MAST2: variants seen among roughly 807,000 people sequenced by gnomAD.
MAST2 encodes microtubule associated serine/threonine kinase 2, also known as microtubule-associated serine/threonine-protein kinase 2.
In MAST2, 70 loss-of-function variants were observed where a neutral mutation model predicts 147.4. The ratio of observed to expected loss-of-function variants is 0.47; its 90% CI spans 0.39 to 0.58. MAST2 has a LOEUF of 0.58. MAST2 is among the 20% of genes least tolerant of loss of function. The pLI, the probability that MAST2 is intolerant of heterozygous loss-of-function variation, is 0.00. For synonymous variants in MAST2, 869 were observed against 896.8 expected (o/e 0.97, Z 0.55); for missense variants, 2,080 against 2,302.3 (o/e 0.90, Z 1.98).
chr1:46,029,557 A>G lies in MAST2; in HGVS notation c.2310A>G (p.Arg770=). Residue 770 remains arginine (R), a synonymous_variant, in exon 19 of 29, where the codon AGA becomes AGG. Coordinates refer to ENST00000361297, the MANE Select transcript of MAST2 (RefSeq NM_015112.3). ...TGCTCCACCAGAACCCTCTGGAGAG[A>G]CTTGGCACAGGTAGGGCAGGCCCTG... The part of the protein sequence containing the change: ...SKLLHQNPLE[R]LGTGSAYEVK... 1.2e-6 allele frequency: 2 copies of G among 1,613,788 alleles called. No individual in the cohort carries two copies. The highest frequency in any genetic ancestry group is 1.7e-6 in the Non-Finnish European group (2 of 1,179,862).
At position 46,034,528 on chromosome 1, in the gene MAST2, C is replaced by G. The variant is rs1646818690; in HGVS notation, c.3869-10C>G. ...CTTTTGTCTGTCTGTCTGTCTGTCT[C>G]TGTACAAAGTGGGAGGGAATTCATC... On this transcript the variant is annotated splice_polypyrimidine_tract_variant and intron_variant, in intron 28 of 28. Transcript: ENST00000361297. 6.2e-7 allele frequency: 1 copy of G among 1,610,010 alleles called. No individual in the cohort carries two copies. The highest frequency in any genetic ancestry group is 8.5e-7 in the Non-Finnish European group (1 of 1,177,694).
At chr1:45,885,033 A>G (rs1210794690) in intron 4 of MAST2, among the ~76,000 whole-genome samples, 1 of 152,206 alleles carries the variant, frequency 6.6e-6, no homozygotes, top group Non-Finnish European at 1.5e-5. Context: ...AGAACCACAA[A>G]ACAAATATTT....
chr1:46,035,086 G>C lies in MAST2; in HGVS notation c.4417G>C (p.Ala1473Pro). 1 of 1,613,656 alleles carries C rather than the reference G, an allele frequency of 6.2e-7. No homozygotes were observed. Among genetic ancestry groups the C allele is most frequent in the Non-Finnish European group, 8.5e-7 (1 of 1,179,928 alleles). ...ALPGKGVLQP[A>P]PSRALGTLRQ... is the part of the protein sequence containing the mutation. The stretch of plus-strand genomic sequence containing the variant: ...GCCAGGGAAGGGGGTGCTGCAGCCT[G>C]CTCCCTCACGGGCCCTAGGCACCCT... The change falls in exon 29 of 29, where the codon GCT becomes CCT. Residue 1473 changes from alanine to proline, a missense_variant. This residue lies in a region of MAST2 where 1,278 missense variants were observed against 1,304.2 expected (regional missense o/e 0.98). Transcript: ENST00000361297. The surrounding 1 kb of genome is among the most constrained non-coding windows in gnomAD (Gnocchi z 5.5).
chr1:45,986,616 C>G (rs970784155), intron 5 of MAST2, among the ~76,000 whole-genome samples: 14 of 149,882 alleles, frequency 9.3e-5, no homozygotes, highest in Non-Finnish European at 1.6e-4. Context: ...TACTCAGAGG[C>G]TGAGGCAGGA....
At position 46,023,370 on chromosome 1, in the gene MAST2, A is replaced by T. The variant is rs376488052; in HGVS notation, c.1571+52A>T. 6 of 1,520,898 alleles carry T rather than the reference A, an allele frequency of 3.9e-6. No homozygotes were observed. The African/African-American group carries it at 6.9e-5, about 17-fold the overall frequency. 94.2% of individuals were successfully genotyped at this position (1,520,898 alleles called of 1,614,324 possible). A position where few individuals can be genotyped will look rare whatever the true frequency, so the allele number is the denominator to read the frequency against. ...AGGACTGAAGCCGGGTCAGCCTTTG[A>T]TCTCTTCCATGTGAGAGTGTATGCT... On this transcript the variant is annotated intron_variant, in intron 14 of 28. Transcript: ENST00000361297. This position sits in a 1 kb window ranked among gnomAD's most constrained non-coding sequence, Gnocchi z 4.9.
intron 4 of MAST2, among the ~76,000 whole-genome samples, chr1:45,914,661 T>C (rs2148597868): frequency 6.6e-6 from 1 of 152,320 alleles, no homozygotes; most frequent in East Asian, 1.9e-4. Flanking sequence ...TTCAGTGGGC[T>C]TCCTTTGTGA....
chr1:45,939,544 G>T (rs1220872030), intron 4 of MAST2, among the ~76,000 whole-genome samples: 1 of 150,742 alleles, frequency 6.6e-6, no homozygotes, highest in African/African-American at 2.4e-5. Flanking sequence ...TTTTTTTTTG[G>T]GGGGGTGGGG....
rs889670637 is a variant in MAST2, at chr1:45,803,934, G to A, written c.39G>A (p.Pro13=). The change falls in exon 1 of 29, where the codon CCG becomes CCA. Residue 13 remains proline (P), a synonymous_variant. Coordinates refer to ENST00000361297, the MANE Select transcript of MAST2 (RefSeq NM_015112.3). ...GCTGCCGCGACCGACCGCAGCCGCC[G>A]CCGCCCGACCGCCGGGAGGATGGAG... ...RSRCRDRPQP[P]PPDRREDGVQ... is the part of the protein sequence containing the mutation. 3.5e-6 allele frequency: 3 copies of A among 858,904 alleles called. No homozygotes were observed. Among genetic ancestry groups the A allele is most frequent in the Non-Finnish European group, 1.6e-6 (1 of 620,822 alleles). The allele number at this position is 858,904 out of a possible 1,614,324, so 53.2% of individuals were successfully genotyped here.
At chr1:45,882,557 C>G (rs11211217) in intron 4 of MAST2, among the ~76,000 whole-genome samples, 162 bp downstream of exon 4, 51,735 of 152,102 alleles carry the variant, frequency 0.34, 9,213 homozygotes, top group African/African-American at 0.44. Context: ...TGACTTCTCC[C>G]ACTAGGTCAG....
chr1:46,000,145 C>T (rs1373556516), intron 6 of MAST2, among the ~76,000 whole-genome samples: 1 of 152,158 alleles, frequency 6.6e-6, no homozygotes, highest in Non-Finnish European at 1.5e-5. Context: ...GAAACACCAT[C>T]TCTACTAAAA....
intron 3 of MAST2, among the ~76,000 whole-genome samples, chr1:45,870,994 GA>G (rs1383182984): frequency 6.7e-6 from 1 of 150,044 alleles, no homozygotes; most frequent in Admixed American, 6.7e-5. Context: ...AGTTTTTCCA[GA>G]AACCAACTAT....
rs745947608 is a variant in MAST2, at chr1:46,028,820, A to T, written c.2105A>T (p.Tyr702Phe). 8.7e-6 allele frequency: 14 copies of T among 1,614,012 alleles called. No individual in the cohort carries two copies. The Admixed American group carries it at 2.2e-4, about 25-fold the overall frequency. The change falls in exon 18 of 29, where the codon TAT becomes TTT. Residue 702 changes from tyrosine to phenylalanine, a missense_variant. This residue lies in a region of MAST2 where 209 missense variants were observed against 309.5 expected (regional missense o/e 0.68). Coordinates refer to ENST00000361297, the MANE Select transcript of MAST2 (RefSeq NM_015112.3). Reference protein sequence around the residue: ...IAPEVILRQGYGKPVDWWAMG... With the variant: ...IAPEVILRQGFGKPVDWWAMG... ...CCTGAGGTGATCCTGCGCCAGGGCTATGGGAAGCCAGTGGACTGGTGGGCC... is the reference window on the plus strand; with the variant it reads ...CCTGAGGTGATCCTGCGCCAGGGCTTTGGGAAGCCAGTGGACTGGTGGGCC...
chr1:46,031,332 A>ACTGCAGGGCAGGGAGGCTC lies in MAST2; in HGVS notation c.2992+43_2993-40dup, dbSNP rs1646656599. ...GGCCAAACGACCTAAGCTGGAGGAT[A>ACTGCAGGGCAGGGAGGCTC]CTGCAGGGCAGGGAGGCTCAGCGGC... On this transcript the variant is annotated intron_variant, in intron 23 of 28. Transcript: ENST00000361297. This position sits in a 1 kb window ranked among gnomAD's most constrained non-coding sequence, Gnocchi z 4.1. 1 of 1,563,466 alleles carries ACTGCAGGGCAGGGAGGCTC rather than the reference A, an allele frequency of 6.4e-7. No homozygotes were observed. The highest frequency in any genetic ancestry group is 8.7e-7 in the Non-Finnish European group (1 of 1,150,678).
At chr1:46,030,348 C>T (rs950724470) in intron 21 of MAST2, 110 bp downstream of exon 21, 27 of 1,106,796 alleles carry the variant, frequency 2.4e-5, no homozygotes, top group Non-Finnish European at 3.2e-5. Flanking sequence ...TTGGGGCCAC[C>T]TCTAGAAAAA....
At chr1:46,022,630 G>C (rs1209264941) in intron 12 of MAST2, among the ~76,000 whole-genome samples, 1 of 152,164 alleles carries the variant, frequency 6.6e-6, no homozygotes, top group Non-Finnish European at 1.5e-5. Flanking sequence ...CCCAGTTTCA[G>C]GCCCTGTTTT....
At chr1:45,940,193 G>A (rs942538454) in intron 4 of MAST2, among the ~76,000 whole-genome samples, 15 of 150,626 alleles carry the variant, frequency 1.0e-4, no homozygotes, top group African/African-American at 3.7e-4. Flanking sequence ...GGGTTTTGCC[G>A]TGTTGGCCAG....
intron 3 of MAST2, among the ~76,000 whole-genome samples, chr1:45,871,991 A>T (rs938596317): frequency 1.3e-5 from 2 of 152,152 alleles, no homozygotes; most frequent in Non-Finnish European, 2.9e-5. Flanking sequence ...GGCCTCCCAA[A>T]GTGTTGGGAT....
intron 18 of MAST2, 141 bp downstream of exon 18, chr1:46,029,074 G>A (rs941845209): frequency 5.3e-6 from 5 of 944,204 alleles, no homozygotes; most frequent in Admixed American, 2.7e-5. Context: ...TTGGGGATGG[G>A]TGTCTCTGTG....
chr1:45,918,433 A>C (rs1315239650), intron 4 of MAST2, among the ~76,000 whole-genome samples: 3 of 152,174 alleles, frequency 2.0e-5, no homozygotes, highest in African/African-American at 7.2e-5. Flanking sequence ...GGGCAGCCAG[A>C]TTAAACAATT....
Sources: gnomAD v4.1 joint callset for allele counts (sites outside exome capture counted in the v4.1 genomes callset) on GRCh38, gnomAD v4.1.1 for gene constraint, gnomAD v4.1.1 regional missense constraint, Gnocchi (gnomAD v3.1) non-coding constraint, MANE v1.5 for transcripts, NCBI Gene and HGNC (gene_info 2026-07-23, HGNC 2026-07-21) for gene names.